The following KCNJ13 variants were observed in gnomAD, a reference collection of about 807,000 sequenced individuals.
The protein encoded by KCNJ13 is potassium inwardly rectifying channel subfamily J member 13.
In KCNJ13, 9 loss-of-function variants were observed where a neutral mutation model predicts 24.6. The ratio of observed to expected loss-of-function variants is 0.37; its 90% CI spans 0.22 to 0.64. KCNJ13 has a LOEUF of 0.64. KCNJ13 is among the 30% of genes least tolerant of loss of function. The pLI, the probability that KCNJ13 is intolerant of heterozygous loss-of-function variation, is 0.64. For synonymous variants in KCNJ13, 148 were observed against 154.7 expected, an observed-to-expected ratio of 0.96 and a Z score of 0.32; for missense variants, 337 against 443.8, an observed-to-expected ratio of 0.76 and a Z score of 2.16.
At chr2:232,772,921 T>C (rs1192713089) in intron 1 of KCNJ13, among the ~76,000 whole-genome samples, 2 of 152,152 alleles carry the variant, frequency 1.3e-5, no homozygotes, top group African/African-American at 4.8e-5. Context: ...GTTGTTGGAA[T>C]TGGATATTGG....
chr2:232,768,702 A>C lies in KCNJ13; in HGVS notation c.572T>G (p.Val191Gly). The change falls in exon 3 of 3, where the codon GTG becomes GGG. Residue 191 changes from valine to glycine, a missense_variant. Val to Gly is a moderately radical substitution (Grantham distance 109, BLOSUM62 -3). Around this residue, in one of 3 missense-constraint regions of KCNJ13, gnomAD observed 235 missense variants for 286.9 expected, o/e 0.82. Coordinates refer to ENST00000233826, the MANE Select transcript of KCNJ13 (RefSeq NM_002242.4). ...TAGAGGGCTAGGTCGGGTGTTGGCC[A>C]CTTGGAAGATAAGATTAGGTTTGCC... Reference protein sequence around the residue: ...MDGKPNLIFQVANTRPSPLTS... With the variant: ...MDGKPNLIFQGANTRPSPLTS... 1 of 1,604,644 alleles carries C rather than the reference A, an allele frequency of 6.2e-7. No homozygotes were observed. Among genetic ancestry groups the C allele is most frequent in the Non-Finnish European group, 8.5e-7 (1 of 1,172,578 alleles).
chr2:232,768,365 C>T lies in KCNJ13; in HGVS notation c.909G>A (p.Leu303=). The T allele has an allele frequency of 6.2e-7, 1 of 1,614,060 alleles. No homozygotes were observed. The highest frequency in any genetic ancestry group is 8.5e-7 in the Non-Finnish European group (1 of 1,180,010). ...IMLHHCFASL[L]TRGSKGEYQI... ...GATATTCACCTTTGGAACCTCGGGT[C>T]AACAGAGATGCAAAACAGTGATGTA... Residue 303 remains leucine (L), a synonymous_variant, in exon 3 of 3, where the codon TTG becomes TTA. Transcript: ENST00000233826.
intron 1 of KCNJ13, among the ~76,000 whole-genome samples, chr2:232,773,655 A>G (rs1288911636): frequency 6.6e-6 from 1 of 152,240 alleles, no homozygotes. Flanking sequence ...ATGATTCTTT[A>G]GATAGTAATG....
At position 232,768,577 on chromosome 2, in the gene KCNJ13, C is replaced by T. The variant is rs761770948; in HGVS notation, c.697G>A (p.Glu233Lys). Reference protein sequence around the residue: ...DFHLDGISSDECPFFIFPLTY... With the variant: ...DFHLDGISSDKCPFFIFPLTY... ...AGTGGAAAGATGAAGAATGGACATT[C>T]GTCAGAACTGATGCCATCAAGGTGG... The change falls in exon 3 of 3, where the codon GAA becomes AAA. Residue 233 changes from glutamate (E) to lysine (K), a missense_variant. Glu to Lys is a moderately conservative substitution (Grantham distance 56, BLOSUM62 1). Transcript: ENST00000233826. 2.8e-5 allele frequency: 45 copies of T among 1,613,970 alleles called. No individual in the cohort carries two copies. The highest frequency in any genetic ancestry group is 3.2e-5 in the Non-Finnish European group (38 of 1,180,012).
In KCNJ13 at chr2:232,768,262, C is replaced by T; in HGVS notation, c.1012G>A (p.Asp338Asn). ...TGTCCATTGATGTGGATATCCAGGTCAGTCCTGTTTGGGCTTTTAGAAACC... is the reference window on the plus strand; with the variant it reads ...TGTCCATTGATGTGGATATCCAGGTTAGTCCTGTTTGGGCTTTTAGAAACC... ...PLVSKSPNRT[D>N]LDIHINGQSI... Residue 338 changes from aspartate to asparagine, a missense_variant, in exon 3 of 3, where the codon GAC (aspartate) becomes AAC (asparagine). By Grantham distance (23) the Asp-to-Asn change is conservative (BLOSUM62 1). This residue lies in a region of KCNJ13 where 235 missense variants were observed against 286.9 expected (regional missense o/e 0.82). Transcript: ENST00000233826. The T allele has an allele frequency of 1.2e-6, 2 of 1,614,002 alleles. No homozygotes were observed. The highest frequency in any genetic ancestry group is 8.5e-7 in the Non-Finnish European group (1 of 1,179,890).
At chr2:232,775,867 T>C (rs148326167) in intron 1 of KCNJ13, among the ~76,000 whole-genome samples, 3,477 of 152,336 alleles carry the variant, frequency 0.023, 71 homozygotes, top group Non-Finnish European at 0.032. Flanking sequence ...GAAAGTCTTA[T>C]AATGATTTCT....
At chr2:232,770,486 GA>G (rs1161780568) in intron 2 of KCNJ13, among the ~76,000 whole-genome samples, 1 of 151,630 alleles carries the variant, frequency 6.6e-6, no homozygotes, top group Non-Finnish European at 1.5e-5. Context: ...GCTCAGTGAA[GA>G]AAAAAAACCA....
intron 1 of KCNJ13, among the ~76,000 whole-genome samples, chr2:232,775,908 T>G (rs1376882456): frequency 6.6e-6 from 1 of 152,220 alleles, no homozygotes; most frequent in Non-Finnish European, 1.5e-5. Flanking sequence ...CAAACACTAT[T>G]GAGTTCTAAC....
intron 1 of KCNJ13, among the ~76,000 whole-genome samples, chr2:232,774,931 C>A (rs1161410240): frequency 6.6e-6 from 1 of 152,170 alleles, no homozygotes; most frequent in East Asian, 1.9e-4. Flanking sequence ...GTTGTTACTT[C>A]TTACCTACAA....
At position 232,766,049 on chromosome 2, in the gene KCNJ13, C is replaced by A; in HGVS notation, c.*2142G>T. The A allele has an allele frequency of 2.1e-6, 1 of 470,872 alleles. No individual in the cohort carries two copies. Among genetic ancestry groups the A allele is most frequent in the Non-Finnish European group, 4.4e-6 (1 of 226,916 alleles). The allele number at this position is 470,872 out of a possible 1,614,324, so 29.2% of individuals were successfully genotyped here. On this transcript the variant is annotated 3_prime_UTR_variant, in exon 3 of 3. Transcript: ENST00000233826. ...CTCCCAGTAATTTCCGCCCTTTTTC[C>A]ATTGTTACTTCCTTTTCCTCAGAGG...
At chr2:232,772,647 C>G (rs78614281) in intron 1 of KCNJ13, among the ~76,000 whole-genome samples, 1 of 152,152 alleles carries the variant, frequency 6.6e-6, no homozygotes, top group Non-Finnish European at 1.5e-5. Context: ...GTAGCAGTTA[C>G]TAGGAACAGA....
At position 232,768,503 on chromosome 2, in the gene KCNJ13, G is replaced by A; in HGVS notation, c.771C>T (p.Leu257=). Residue 257 remains leucine, a synonymous_variant, in exon 3 of 3, where the codon CTC becomes CTT. Coordinates refer to ENST00000233826, the MANE Select transcript of KCNJ13 (RefSeq NM_002242.4). The stretch of plus-strand genomic sequence containing the variant: ...CAAAGTGAGAAGGATTTTCATGCTG[G>A]AGCAGAGTAGCCAGAGGACTTGATG... ...ITPSSPLATL[L]QHENPSHFEL... 6.2e-7 allele frequency: 1 copy of A among 1,614,156 alleles called. No individual in the cohort carries two copies. Among genetic ancestry groups the A allele is most frequent in the Non-Finnish European group, 8.5e-7 (1 of 1,180,000 alleles).
chr2:232,773,036 C>T lies in KCNJ13; in HGVS notation c.-16-1658G>A, dbSNP rs201363997. On this transcript the variant is annotated intron_variant, in intron 1 of 2. Transcript: ENST00000233826. ...TCTTCAGATTTGAGCTAATGGAACA[C>T]TGGGATGATTGTTCAGTTTATTTAG... Among the ~76,000 whole-genome samples the T allele has an allele frequency of 4.6e-5, 7 of 152,152 alleles. No individual in the cohort carries two copies. In the East Asian group the frequency reaches 1.4e-3, roughly 29 times the overall value.
chr2:232,770,134 G>GT (rs1302245654), intron 2 of KCNJ13, among the ~76,000 whole-genome samples: 1 of 152,096 alleles, frequency 6.6e-6, no homozygotes, highest in Non-Finnish European at 1.5e-5. Flanking sequence ...TGATTTGCAG[G>GT]TTATAGAGCT....
chr2:232,771,736 G>A (rs957969150), intron 1 of KCNJ13, among the ~76,000 whole-genome samples: 3 of 152,138 alleles, frequency 2.0e-5, no homozygotes, highest in African/African-American at 7.2e-5. Context: ...ACCAAATATT[G>A]TGTATAAAGA....
intron 1 of KCNJ13, among the ~76,000 whole-genome samples, chr2:232,775,183 A>G (rs1367886879): frequency 6.6e-6 from 1 of 152,042 alleles, no homozygotes; most frequent in Non-Finnish European, 1.5e-5. Flanking sequence ...CTGAATAACT[A>G]TTCTGTGGAC....
Position 232,768,296 on chromosome 2 carries a change from T to C in KCNJ13, c.978A>G (p.Pro326=). 1.9e-6 allele frequency: 3 copies of C among 1,614,168 alleles called. No individual in the cohort carries two copies. Among genetic ancestry groups the C allele is most frequent in the Non-Finnish European group, 2.5e-6 (3 of 1,180,008 alleles). The change falls in exon 3 of 3, where the codon CCA becomes CCG. Residue 326 remains proline, a synonymous_variant. Transcript: ENST00000233826. ...ENFDKTVPEF[P]TPLVSKSPNR... Reference sequence around the variant, plus strand: ...TTGGGCTTTTAGAAACCAGAGGAGTTGGAAATTCAGGGACAGTCTTGTCAA... The same window carrying C: ...TTGGGCTTTTAGAAACCAGAGGAGTCGGAAATTCAGGGACAGTCTTGTCAA...
chr2:232,774,068 G>T (rs1222521914), intron 1 of KCNJ13, among the ~76,000 whole-genome samples: 2 of 151,820 alleles, frequency 1.3e-5, no homozygotes, highest in Admixed American at 6.6e-5. Context: ...GATTGCTTGA[G>T]GTCGGGAATT....
intron 1 of KCNJ13, among the ~76,000 whole-genome samples, chr2:232,774,008 A>C (rs918626577): frequency 2.0e-5 from 3 of 151,646 alleles, no homozygotes; most frequent in Non-Finnish European, 4.4e-5. Context: ...GGAACCAGGC[A>C]TGGTGACTCA....
Sources: allele counts gnomAD v4.1 joint callset (sites outside exome capture counted in the v4.1 genomes callset), GRCh38; gene constraint gnomAD v4.1.1; regional missense constraint gnomAD v4.1.1; transcripts MANE v1.5; gene names NCBI Gene and HGNC (gene_info 2026-07-23, HGNC 2026-07-21).